TTC34: variants seen among roughly 807,000 people sequenced by gnomAD.
TTC34 encodes tetratricopeptide repeat protein 34.
Under a neutral mutation model 40.7 loss-of-function variants are expected in TTC34, and 44 were observed. The observed-to-expected ratio is 1.08, with a 90% CI of 0.85 to 1.39. TTC34 has a LOEUF of 1.39. Ranked by LOEUF, TTC34 falls within the 40% of genes most tolerant of loss-of-function variation. The probability of loss-of-function intolerance (pLI) is 0.00; values close to 1 mark genes in which losing one functional copy is unlikely to be tolerated. For synonymous variants in TTC34, 422 were observed against 398.6 expected, an observed-to-expected ratio of 1.06 and a Z score of -0.70; for missense variants, 884 against 838.0, an observed-to-expected ratio of 1.05 and a Z score of -0.68.
At chr1:2,686,319 ACCTCC>A (rs1640343532) in intron 6 of TTC34, among the ~76,000 whole-genome samples, 2 of 149,000 alleles carry the variant, frequency 1.3e-5, no homozygotes, top group African/African-American at 2.5e-5. Context: ...CAGCACCCAC[ACCTCC>A]AGGCGAGCAT....
At chr1:2,683,058 ACCG>A (rs1640146811) in intron 6 of TTC34, among the ~76,000 whole-genome samples, 2 of 147,914 alleles carry the variant, frequency 1.4e-5, no homozygotes, top group East Asian at 2.0e-4. Context: ...ACAGCCTGGA[ACCG>A]CAGCCACACC....
intron 6 of TTC34, among the ~76,000 whole-genome samples, chr1:2,650,066 C>CT (rs1639097877): frequency 1.3e-5 from 2 of 151,492 alleles, no homozygotes; most frequent in South Asian, 4.2e-4. Context: ...AGGTGAGCCT[C>CT]TGACAGCCTG....
chr1:2,647,210 G>T (rs1032896462), intron 6 of TTC34, among the ~76,000 whole-genome samples: 1 of 152,028 alleles, frequency 6.6e-6, no homozygotes, highest in Non-Finnish European at 1.5e-5. Context: ...TCAAATACCT[G>T]TGTATATTTG....
intron 6 of TTC34, among the ~76,000 whole-genome samples, chr1:2,754,770 C>T (rs1294763230): frequency 0.055 from 6,723 of 121,706 alleles, 1 homozygote; most frequent in African/African-American, 0.093. Flanking sequence ...TCTGGAGCAG[C>T]ACCCACACCC....
chr1:2,645,336 T>C lies in TTC34; in HGVS notation c.2454A>G (p.Gln818=). ...CTGCCAGGAGGAGGTGCCAGTGCGG[T>C]TGCCCTGAGTCGATTTTGATCAGCG... Residue 818 remains glutamine (Q), a synonymous_variant, in exon 7 of 9, where the codon CAA becomes CAG. Transcript: ENST00000401095. This position sits in a 1 kb window ranked among gnomAD's most constrained non-coding sequence, Gnocchi z 4.7. 1 of 1,521,504 alleles carries C rather than the reference T, an allele frequency of 6.6e-7. No homozygotes were observed. The highest frequency in any genetic ancestry group is 8.8e-7 in the Non-Finnish European group (1 of 1,137,674). The allele number at this position is 1,521,504 out of a possible 1,614,324, so 94.3% of individuals were successfully genotyped here.
chr1:2,781,101 C>A (rs1445696557), intron 6 of TTC34, among the ~76,000 whole-genome samples: 2 of 152,040 alleles, frequency 1.3e-5, no homozygotes, highest in Non-Finnish European at 2.9e-5. Context: ...ATAAATACAG[C>A]CAGCCTTTCA....
chr1:2,792,032 T>TTTTTTTTTTTTTTTTTTTTTTTC (rs1643669025), intron 2 of TTC34, among the ~76,000 whole-genome samples: 1 of 136,930 alleles, frequency 7.3e-6, no homozygotes, highest in Non-Finnish European at 1.6e-5. Context: ...TTTTTTTTTT[T>TTTTTTTTTTTTTTTTTTTTTTTC]TAAAGACAGG....
chr1:2,694,008 G>A (rs1446017236), intron 6 of TTC34, among the ~76,000 whole-genome samples: 2 of 102,754 alleles, frequency 1.9e-5, no homozygotes, highest in Non-Finnish European at 4.3e-5. Flanking sequence ...GCATCTGACC[G>A]CCTGGAACAG....
At chr1:2,788,333 G>A (rs919065364) in intron 3 of TTC34, among the ~76,000 whole-genome samples, 8 of 151,582 alleles carry the variant, frequency 5.3e-5, no homozygotes, top group East Asian at 2.0e-4. Flanking sequence ...TGTGTGTTAT[G>A]TACATGTGTG....
intron 6 of TTC34, among the ~76,000 whole-genome samples, chr1:2,685,813 C>A (rs1277888944): frequency 6.8e-6 from 1 of 147,136 alleles, no homozygotes; most frequent in African/African-American, 2.5e-5. Context: ...AGGTGAGCAT[C>A]TGACAGACTG....
chr1:2,655,865 G>C (rs1570762361), intron 6 of TTC34, among the ~76,000 whole-genome samples: 1 of 88,702 alleles, frequency 1.1e-5, no homozygotes, highest in East Asian at 3.5e-4. Context: ...CCCCAGGCGA[G>C]CATCTGACAG....
At chr1:2,687,938 C>T (rs1640440655) in intron 6 of TTC34, among the ~76,000 whole-genome samples, 2 of 148,620 alleles carry the variant, frequency 1.3e-5, no homozygotes. Flanking sequence ...CCCAGGTGAG[C>T]CTCTGACAGC....
intron 6 of TTC34, chr1:2,776,415 G>T (rs1158864557): frequency 7.4e-6 from 1 of 135,134 alleles, no homozygotes; most frequent in Non-Finnish European, 1.5e-5. Context: ...CCCCAGGTAA[G>T]ATTCCAACAG....
chr1:2,753,293 CACA>C, intron 6 of TTC34, among the ~76,000 whole-genome samples: 4 of 119,600 alleles, frequency 3.3e-5, no homozygotes, highest in African/African-American at 1.5e-4. Flanking sequence ...CAGCACCCTG[CACA>C]CCCAGGTGAG....
intron 6 of TTC34, among the ~76,000 whole-genome samples, chr1:2,750,112 C>A (rs1641266607): frequency 6.7e-6 from 1 of 149,122 alleles, no homozygotes; most frequent in Non-Finnish European, 1.5e-5. Context: ...CAGCCTGGAA[C>A]AGCACCCACA....
At chr1:2,691,946 C>T (rs1289176738) in intron 6 of TTC34, among the ~76,000 whole-genome samples, 1 of 85,182 alleles carries the variant, frequency 1.2e-5, no homozygotes, top group Non-Finnish European at 2.7e-5. Context: ...CACGCACAAC[C>T]CCAGGTGAGC....
intron 6 of TTC34, among the ~76,000 whole-genome samples, chr1:2,659,866 T>C (rs61761387): frequency 7.6e-3 from 311 of 40,886 alleles, no homozygotes; most frequent in Middle Eastern, 0.056. Flanking sequence ...GAGCACCCCA[T>C]ATCCCCGGGT....
At chr1:2,698,272 A>G (rs1227666911) in intron 6 of TTC34, among the ~76,000 whole-genome samples, 1 of 74,296 alleles carries the variant, frequency 1.3e-5, no homozygotes, top group African/African-American at 3.9e-5. Context: ...GACAGCCTGA[A>G]ACAGAACCCT....
chr1:2,799,468 A>C (rs932984765), intron 2 of TTC34, among the ~76,000 whole-genome samples: 1 of 152,070 alleles, frequency 6.6e-6, no homozygotes, highest in Non-Finnish European at 1.5e-5. Flanking sequence ...TCTTGAACCC[A>C]GTGGGTGGAG....
Sources: allele counts gnomAD v4.1 joint callset (sites outside exome capture counted in the v4.1 genomes callset), GRCh38; gene constraint gnomAD v4.1.1; non-coding constraint Gnocchi (gnomAD v3.1); transcripts MANE v1.5; gene names NCBI Gene and HGNC (gene_info 2026-07-23, HGNC 2026-07-21).